The following SLC16A6 variants were observed in gnomAD, a reference collection of about 807,000 sequenced individuals.
SLC16A6 encodes solute carrier family 16 member 6.
In SLC16A6, 15 loss-of-function variants were observed where a neutral mutation model predicts 33.8. The observed-to-expected ratio is 0.44, with a 90% CI of 0.30 to 0.68. The LOEUF (loss-of-function observed/expected upper bound fraction) is 0.68. Among genes scored for constraint, SLC16A6 ranks in the 30% least tolerant of loss-of-function variants. The probability of loss-of-function intolerance (pLI) is 0.10; values close to 1 mark genes in which losing one functional copy is unlikely to be tolerated. For missense variants in SLC16A6, 451 were observed against 661.5 expected, an observed-to-expected ratio of 0.68 and a Z score of 3.49; for synonymous variants, 219 against 248.4, an observed-to-expected ratio of 0.88 and a Z score of 1.11.
chr17:68,276,574 G>C (rs2145037573), intron 2 of SLC16A6, among the ~76,000 whole-genome samples: 1 of 152,156 alleles, frequency 6.6e-6, no homozygotes, highest in East Asian at 1.9e-4. Context: ...GCAGCCTCCT[G>C]AGTAGCTGGG....
chr17:68,270,757 T>G, intron 5 of SLC16A6, 82 bp downstream of exon 5: 4 of 1,309,902 alleles, frequency 3.1e-6, no homozygotes, highest in Non-Finnish European at 4.2e-6. Flanking sequence ...GGCAGTAAGT[T>G]TTTTTTATGG....
chr17:68,272,524 C>G, intron 4 of SLC16A6, 115 bp downstream of exon 4: 2 of 1,215,898 alleles, frequency 1.6e-6, no homozygotes, highest in South Asian at 1.5e-5. Flanking sequence ...TAAATAACGT[C>G]TCATTACACA....
At chr17:68,277,382 G>T (rs782246397) in intron 2 of SLC16A6, among the ~76,000 whole-genome samples, 4 of 151,722 alleles carry the variant, frequency 2.6e-5, no homozygotes, top group African/African-American at 9.7e-5. Flanking sequence ...CACCTGCCTC[G>T]GCTTTCCAAA....
At chr17:68,290,505 T>C (rs1339821716) in intron 1 of SLC16A6, among the ~76,000 whole-genome samples, 1 of 152,136 alleles carries the variant, frequency 6.6e-6, no homozygotes, top group Non-Finnish European at 1.5e-5. Flanking sequence ...ACAGTCCAGG[T>C]GGAGGACCCG....
chr17:68,269,911 G>T (rs1555747901), intron 5 of SLC16A6, among the ~76,000 whole-genome samples: 2 of 151,912 alleles, frequency 1.3e-5, no homozygotes, highest in Non-Finnish European at 2.9e-5. Context: ...GACCTCAAAT[G>T]ATCCGCCCGC....
intron 1 of SLC16A6, among the ~76,000 whole-genome samples, chr17:68,286,355 CT>C (rs1420033220): frequency 2.0e-5 from 3 of 152,184 alleles, no homozygotes; most frequent in African/African-American, 7.2e-5. Context: ...TTGAGGTTAT[CT>C]TTTTCAATTC....
chr17:68,274,169 G>A, intron 2 of SLC16A6, 99 bp from the exon 3 acceptor site: 1 of 1,332,516 alleles, frequency 7.5e-7, no homozygotes, highest in Non-Finnish European at 1.0e-6. Context: ...GAGAGATGAT[G>A]TCGAATATAA....
intron 2 of SLC16A6, among the ~76,000 whole-genome samples, chr17:68,277,759 G>GTA (rs1555751460): frequency 6.6e-6 from 1 of 152,150 alleles, no homozygotes; most frequent in Non-Finnish European, 1.5e-5. Context: ...CTTAGACAGT[G>GTA]ACTATATCCT....
At chr17:68,288,406 T>A (rs2075893236) in intron 1 of SLC16A6, among the ~76,000 whole-genome samples, 1 of 152,196 alleles carries the variant, frequency 6.6e-6, no homozygotes, top group Non-Finnish European at 1.5e-5. Flanking sequence ...CAGAAGCCTC[T>A]GTAAGTTCCA....
intron 1 of SLC16A6, among the ~76,000 whole-genome samples, chr17:68,288,688 C>T (rs911949628): frequency 2.0e-5 from 3 of 152,254 alleles, no homozygotes; most frequent in Non-Finnish European, 4.4e-5. Flanking sequence ...GTCTATACTT[C>T]TATGACAGCC....
rs555579176 is a variant in SLC16A6, at chr17:68,285,960, C to T, written c.-8+5126G>A. On this transcript the variant is annotated intron_variant, in intron 1 of 5. Transcript: ENST00000580666. ...ATTTTTAGTAGAGACAGGGTTTCAC[C>T]ATGTTGGCCAGGCCGGTCTGGAACT... is the stretch of plus-strand genomic sequence containing the variant. Among the ~76,000 whole-genome samples, 43 of 152,218 alleles carry T rather than the reference C, an allele frequency of 2.8e-4. 1 individual carries two copies. The South Asian group carries it at 8.9e-3, about 32-fold the overall frequency.
chr17:68,279,085 T>C (rs1466701755), intron 1 of SLC16A6, among the ~76,000 whole-genome samples: 1 of 152,060 alleles, frequency 6.6e-6, no homozygotes, highest in African/African-American at 2.4e-5. Flanking sequence ...TAGAAGCATA[T>C]TGAAGGACAC....
chr17:68,291,039 A>T (rs1202761403), intron 1 of SLC16A6, 47 bp downstream of exon 1: 1 of 152,328 alleles, frequency 6.6e-6, no homozygotes, highest in Non-Finnish European at 1.5e-5. Flanking sequence ...AACAACCCAC[A>T]TCCCACAATC....
chr17:68,280,140 C>A (rs1555752208), intron 1 of SLC16A6, among the ~76,000 whole-genome samples: 1 of 147,556 alleles, frequency 6.8e-6, no homozygotes, highest in African/African-American at 2.5e-5. Flanking sequence ...TGAGACTGCA[C>A]CACTGCACTC....
rs2075181068 is a variant in SLC16A6, at chr17:68,267,058, C to A, written c.*2038G>T. ...AAATAAAAAATCCATAAATTTATTG[C>A]AAATCTAGAAGTACCAGAATGTCAC... On this transcript the variant is annotated 3_prime_UTR_variant, in exon 6 of 6. Coordinates refer to ENST00000580666, the MANE Select transcript of SLC16A6 (RefSeq NM_004694.5). 1.3e-5 allele frequency: 2 copies of A among 152,018 alleles called. No homozygotes were observed. Among genetic ancestry groups the A allele is most frequent in the South Asian group, 4.1e-4 (2 of 4,822 alleles). 9.4% of individuals were successfully genotyped at this position (152,018 alleles called of 1,614,324 possible).
intron 2 of SLC16A6, among the ~76,000 whole-genome samples, chr17:68,276,553 A>G (rs782411593): frequency 3.3e-5 from 5 of 152,012 alleles, no homozygotes; most frequent in Admixed American, 6.6e-5. Context: ...GGCTCAAGCA[A>G]TTCTCGCTCT....
intron 1 of SLC16A6, among the ~76,000 whole-genome samples, chr17:68,289,924 G>A (rs2075930832): frequency 6.6e-6 from 1 of 152,198 alleles, no homozygotes; most frequent in Non-Finnish European, 1.5e-5. Flanking sequence ...CCTTAATTAT[G>A]AGAAGAGGGG....
At chr17:68,288,340 A>C (rs1221633091) in intron 1 of SLC16A6, among the ~76,000 whole-genome samples, 1 of 152,124 alleles carries the variant, frequency 6.6e-6, no homozygotes, top group Admixed American at 6.5e-5. Context: ...CAGAAGGCCA[A>C]ACCTTCTGTC....
At chr17:68,272,938 A>G (rs2075387888) in intron 3 of SLC16A6, among the ~76,000 whole-genome samples, 171 bp from the exon 4 acceptor site, 1 of 152,124 alleles carries the variant, frequency 6.6e-6, no homozygotes, top group Non-Finnish European at 1.5e-5. Context: ...GGTTTCATTA[A>G]CGGTCTGGAT....
Sources: gnomAD v4.1 joint callset for allele counts (sites outside exome capture counted in the v4.1 genomes callset) on GRCh38, gnomAD v4.1.1 for gene constraint, MANE v1.5 for transcripts, NCBI Gene and HGNC (gene_info 2026-07-23, HGNC 2026-07-21) for gene names.